Variants in RORA observed in about 807,000 individuals in gnomAD.
The protein encoded by RORA is RAR related orphan receptor A, also known as nuclear receptor ROR-alpha.
In RORA, 7 loss-of-function variants were observed where a neutral mutation model predicts 69.5. The ratio of observed to expected loss-of-function variants is 0.10; its 90% CI spans 0.06 to 0.19. The LOEUF (loss-of-function observed/expected upper bound fraction) is 0.19, where lower values mean the gene tolerates loss of function less well. Among genes scored for constraint, RORA ranks in the 10% least tolerant of loss-of-function variants. The pLI, the probability that RORA is intolerant of heterozygous loss-of-function variation, is 1.00. For synonymous variants in RORA, 261 were observed against 240.8 expected (o/e 1.08, Z -0.78); for missense variants, 457 against 663.0 (o/e 0.69, Z 3.41).
intron 1 of RORA, among the ~76,000 whole-genome samples, chr15:61,060,726 T>C (rs1259342567): frequency 6.6e-6 from 1 of 152,154 alleles, no homozygotes; most frequent in Non-Finnish European, 1.5e-5. Flanking sequence ...GCTGGAATCT[T>C]ACATCAAGAC....
intron 2 of RORA, among the ~76,000 whole-genome samples, chr15:60,559,905 ACT>A (rs1477042587): frequency 6.6e-6 from 1 of 152,220 alleles, no homozygotes; most frequent in East Asian, 1.9e-4. Context: ...AAATTTAGCC[ACT>A]GTTTTTTTTC....
intron 2 of RORA, among the ~76,000 whole-genome samples, chr15:60,574,255 G>A (rs2067963744): frequency 6.6e-6 from 1 of 152,234 alleles, no homozygotes; most frequent in African/African-American, 2.4e-5. Flanking sequence ...AAAGGAGGAT[G>A]AAAGGCTAAT....
chr15:61,075,842 G>C (rs1295710449), intron 1 of RORA, among the ~76,000 whole-genome samples: 2 of 152,192 alleles, frequency 1.3e-5, no homozygotes, highest in Non-Finnish European at 2.9e-5. Flanking sequence ...GAAGCAAGCA[G>C]TCATTCCCCT....
rs529225741 is a variant in RORA, at chr15:61,094,004, T to C, written c.166+135049A>G. 2.6e-5 allele frequency among the ~76,000 whole-genome samples: 4 copies of C among 152,300 alleles called. No homozygotes were observed. The South Asian group carries it at 8.3e-4, about 32-fold the overall frequency. On this transcript the variant is annotated intron_variant, in intron 1 of 10. Coordinates refer to ENST00000335670, the MANE Select transcript of RORA (RefSeq NM_134261.3). ...TCAAGGCACGTGATGGCCAGAGATA[T>C]TTTCCAAGGTTCAACATGGCCTAGG...
At chr15:60,516,142 T>C (rs1353630260) in intron 3 of RORA, among the ~76,000 whole-genome samples, 3 of 67,878 alleles carry the variant, frequency 4.4e-5, no homozygotes, top group African/African-American at 1.8e-4. Flanking sequence ...TATATTTATA[T>C]ATATTTATAT....
rs529343322 is a variant in RORA at position 61,218,254 on chromosome 15, G to A, written c.166+10799C>T. Among the ~76,000 whole-genome samples, 9 of 150,520 alleles carry A rather than the reference G, an allele frequency of 6.0e-5. No individual in the cohort carries two copies. The South Asian group carries it at 6.4e-4, about 11-fold the overall frequency. On this transcript the variant is annotated intron_variant, in intron 1 of 10. Transcript: ENST00000335670. ...ATATGTTTTTCTCATTGTGGATCAC[G>A]GTATTAATGTCTCAAAGATATCGCC... is the stretch of plus-strand genomic sequence containing the variant.
intron 1 of RORA, among the ~76,000 whole-genome samples, chr15:61,016,656 T>G (rs1895299653): frequency 6.6e-6 from 1 of 152,134 alleles, no homozygotes; most frequent in Non-Finnish European, 1.5e-5. Context: ...CATCATCTGA[T>G]GTGGATGAAG....
rs116656089 is a variant in RORA at position 60,775,612 on chromosome 15, C to T, written c.167-96926G>A. 3.3e-3 allele frequency among the ~76,000 whole-genome samples: 496 copies of T among 152,248 alleles called. 4 individuals are homozygous for T. Among genetic ancestry groups the T allele is most frequent in the African/African-American group, 0.012 (478 of 41,534 alleles). ...TTTGCTCTTTTCCCCTCCCTGATTA[C>T]CCCCTACTCAAGGCACGAGCACACA... On this transcript the variant is annotated intron_variant, in intron 1 of 10. Coordinates refer to ENST00000335670, the MANE Select transcript of RORA (RefSeq NM_134261.3).
At chr15:61,069,056 T>C (rs1176397584) in intron 1 of RORA, among the ~76,000 whole-genome samples, 1 of 152,220 alleles carries the variant, frequency 6.6e-6, no homozygotes, top group Admixed American at 6.5e-5. Context: ...TTTTTCTCAC[T>C]GTTTCAAAGG....
At chr15:60,772,581 C>G (rs1182714399) in intron 1 of RORA, among the ~76,000 whole-genome samples, 1 of 152,212 alleles carries the variant, frequency 6.6e-6, no homozygotes, top group Non-Finnish European at 1.5e-5. Context: ...GAGTCATCAT[C>G]TCATGCACCA....
chr15:60,941,967 G>A (rs1595832742), intron 1 of RORA, among the ~76,000 whole-genome samples: 1 of 152,210 alleles, frequency 6.6e-6, no homozygotes, highest in Non-Finnish European at 1.5e-5. Flanking sequence ...CCAGTCCAGT[G>A]AGCAGGCAAA....
At chr15:60,887,069 ACAAATGAAAAC>A (rs888771533) in intron 1 of RORA, among the ~76,000 whole-genome samples, 5 of 152,134 alleles carry the variant, frequency 3.3e-5, no homozygotes, top group Admixed American at 3.3e-4. Context: ...TCAGGTTATC[ACAAATGAAAAC>A]CAAGACAGGT....
chr15:60,743,897 C>T (rs1420211155), intron 1 of RORA, among the ~76,000 whole-genome samples: 3 of 152,032 alleles, frequency 2.0e-5, no homozygotes, highest in Admixed American at 1.3e-4. Context: ...CCTTATTTTT[C>T]CAATCAGAGT....
At chr15:60,729,318 A>G (rs1595666020) in intron 1 of RORA, among the ~76,000 whole-genome samples, 1 of 152,118 alleles carries the variant, frequency 6.6e-6, no homozygotes, top group South Asian at 2.1e-4. Context: ...CACTTTCCTT[A>G]CTCCAACCTC....
intron 1 of RORA, among the ~76,000 whole-genome samples, chr15:61,023,512 C>T (rs886676579): frequency 6.6e-6 from 1 of 152,156 alleles, no homozygotes; most frequent in East Asian, 1.9e-4. Context: ...TCCCACAACA[C>T]GTGAGAATTA....
chr15:61,006,011 C>T (rs1894902800), intron 1 of RORA, among the ~76,000 whole-genome samples: 2 of 152,026 alleles, frequency 1.3e-5, no homozygotes, highest in African/African-American at 2.4e-5. Context: ...GCTCTGTCAC[C>T]AGGCTGGAGT....
chr15:61,179,964 C>T (rs1482627929), intron 1 of RORA, among the ~76,000 whole-genome samples: 5 of 149,378 alleles, frequency 3.3e-5, no homozygotes, highest in Admixed American at 2.0e-4. Context: ...CAGTGAAACC[C>T]GTTTCTACTA....
chr15:60,507,201 A>G (rs570608492), intron 5 of RORA, among the ~76,000 whole-genome samples: 1 of 152,326 alleles, frequency 6.6e-6, no homozygotes, highest in East Asian at 1.9e-4. Flanking sequence ...ACAAAATCCC[A>G]TGAATATAAA....
intron 1 of RORA, among the ~76,000 whole-genome samples, chr15:61,045,378 A>G (rs912305403): frequency 3.9e-5 from 6 of 152,142 alleles, no homozygotes; most frequent in Non-Finnish European, 5.9e-5. Context: ...TCTTTCCTTT[A>G]TACAGCACTC....
Sources: allele counts gnomAD v4.1 joint callset (sites outside exome capture counted in the v4.1 genomes callset), GRCh38; gene constraint gnomAD v4.1.1; transcripts MANE v1.5; gene names NCBI Gene and HGNC (gene_info 2026-07-23, HGNC 2026-07-21).